Variants in MTHFD1 observed in about 807,000 individuals in gnomAD.
MTHFD1 encodes C-1-tetrahydrofolate synthase, cytoplasmic.
Under a neutral mutation model 110.3 loss-of-function variants are expected in MTHFD1, and 44 were observed. The observed-to-expected ratio is 0.40, with a 90% CI of 0.31 to 0.51. The LOEUF (loss-of-function observed/expected upper bound fraction) is 0.51. MTHFD1 is among the 20% of genes least tolerant of loss of function. The pLI is 0.60. For missense variants in MTHFD1, 909 were observed against 1,173.1 expected, an observed-to-expected ratio of 0.77 and a Z score of 3.29; for synonymous variants, 402 against 428.8, an observed-to-expected ratio of 0.94 and a Z score of 0.77.
intron 24 of MTHFD1, among the ~76,000 whole-genome samples, chr14:64,449,940 C>T (rs1455869396): frequency 2.0e-5 from 3 of 152,220 alleles, no homozygotes; most frequent in African/African-American, 7.2e-5. Flanking sequence ...AGGCGTCTGC[C>T]ACCGTGCCCA....
At chr14:64,393,684 C>T (rs1433540090) in intron 1 of MTHFD1, among the ~76,000 whole-genome samples, 1 of 152,160 alleles carries the variant, frequency 6.6e-6, no homozygotes, top group South Asian at 2.1e-4. Flanking sequence ...CTGTCCTTGT[C>T]CATCAGGGGA....
chr14:64,389,986 T>G (rs1271895471), intron 1 of MTHFD1, among the ~76,000 whole-genome samples: 2 of 152,226 alleles, frequency 1.3e-5, no homozygotes, highest in Admixed American at 1.3e-4. Context: ...TATACTTTCG[T>G]TAATTGGAGA....
intron 11 of MTHFD1, 30 bp from the exon 12 acceptor site, chr14:64,427,307 A>T (rs750971056): frequency 1.2e-6 from 2 of 1,613,198 alleles, no homozygotes; most frequent in Non-Finnish European, 1.7e-6. Context: ...AATTCTTTAA[A>T]CCTTTTTCTC....
At position 64,440,515 on chromosome 14, in the gene MTHFD1, G is replaced by A. The variant is rs185418532; in HGVS notation, c.1815+249G>A. ...ATGATTTGAGTAACATCTTCATCCTGTGGGCATCTCTAAAAGTGGGTGTAT... is the reference window on the plus strand; with the variant it reads ...ATGATTTGAGTAACATCTTCATCCTATGGGCATCTCTAAAAGTGGGTGTAT... On this transcript the variant is annotated intron_variant, in intron 18 of 27. Transcript: ENST00000652337. 39 of 530,202 alleles carry A rather than the reference G, an allele frequency of 7.4e-5. No homozygotes were observed. In the East Asian group the frequency reaches 1.3e-3, roughly 18 times the overall value. The allele number at this position is 530,202 out of a possible 1,614,324, so 32.8% of individuals were successfully genotyped here.
In MTHFD1 at chr14:64,418,149, A is replaced by G; in HGVS notation, c.615+125A>G. ...CATCTCATTTTTACAAGATGAAAAA[A>G]CAAATTCAAATTAAAGGCTGAGTGG... On this transcript the variant is annotated intron_variant, in intron 7 of 27. Transcript: ENST00000652337. The G allele has an allele frequency of 2.3e-6, 3 of 1,282,672 alleles. No homozygotes were observed. The South Asian group carries it at 3.8e-5, about 16-fold the overall frequency. 79.5% of individuals were successfully genotyped at this position (1,282,672 alleles called of 1,614,324 possible). A position where few individuals can be genotyped will look rare whatever the true frequency, so the allele number is the denominator to read the frequency against.
At chr14:64,393,350 T>C (rs2077821566) in intron 1 of MTHFD1, among the ~76,000 whole-genome samples, 1 of 151,414 alleles carries the variant, frequency 6.6e-6, no homozygotes, top group Non-Finnish European at 1.5e-5. Context: ...AGTGAGCCAG[T>C]GAGCCAAGAT....
Position 64,415,613 on chromosome 14 carries a change from C to T in MTHFD1, c.378-26C>T, listed in dbSNP as rs750173821. ...AAAGACATCTAATTGCCTTTATTTC[C>T]TTCTTATTTCCATCACTTTTTTAAG... On this transcript the variant is annotated intron_variant, in intron 5 of 27. Transcript: ENST00000652337. 11 of 1,612,532 alleles carry T rather than the reference C, an allele frequency of 6.8e-6. No homozygotes were observed. In the African/African-American group the frequency reaches 1.5e-4, roughly 22 times the overall value.
At chr14:64,437,966 C>T (rs1034917060) in intron 16 of MTHFD1, among the ~76,000 whole-genome samples, 2 of 152,060 alleles carry the variant, frequency 1.3e-5, no homozygotes, top group African/African-American at 2.4e-5. Flanking sequence ...CTCTGCTTCC[C>T]GGGTTCAAGC....
At chr14:64,397,290 ATTTG>A (rs562677901) in intron 1 of MTHFD1, among the ~76,000 whole-genome samples, 42 of 116,734 alleles carry the variant, frequency 3.6e-4, no homozygotes, top group African/African-American at 1.1e-3. Context: ...TGTTGTTGTT[ATTTG>A]TTTGTTTGTT....
At chr14:64,433,692 T>A (rs1193519795) in intron 15 of MTHFD1, among the ~76,000 whole-genome samples, 3 of 151,118 alleles carry the variant, frequency 2.0e-5, no homozygotes, top group Non-Finnish European at 4.4e-5. Flanking sequence ...TGGGATTACT[T>A]GCATGAACCA....
intron 24 of MTHFD1, among the ~76,000 whole-genome samples, chr14:64,452,578 C>G (rs1448420148): frequency 6.6e-6 from 1 of 152,238 alleles, no homozygotes. Context: ...TGGTCTCTGT[C>G]CACTGCACTG....
In MTHFD1 at chr14:64,388,397, G is replaced by C; in HGVS notation, c.-31G>C. On this transcript the variant is annotated 5_prime_UTR_variant, in exon 1 of 28. Coordinates refer to ENST00000652337, the MANE Select transcript of MTHFD1 (RefSeq NM_005956.4). ...GGAGTGGAACCTCGATATTGGTGGTGTCCATCGTGGGCAGCGGACTAATAA... is the reference window on the plus strand; with the variant it reads ...GGAGTGGAACCTCGATATTGGTGGTCTCCATCGTGGGCAGCGGACTAATAA... 1 of 1,614,182 alleles carries C rather than the reference G, an allele frequency of 6.2e-7. No homozygotes were observed. Among genetic ancestry groups the C allele is most frequent in the South Asian group, 1.1e-5 (1 of 91,090 alleles).
At chr14:64,457,714 C>G (rs2078498245) in intron 26 of MTHFD1, among the ~76,000 whole-genome samples, 1 of 152,080 alleles carries the variant, frequency 6.6e-6, no homozygotes, top group Admixed American at 6.6e-5. Flanking sequence ...CCTTGGCCTC[C>G]CAGAGTGCTA....
intron 1 of MTHFD1, among the ~76,000 whole-genome samples, chr14:64,394,066 C>A (rs1220361104): frequency 6.6e-6 from 1 of 152,066 alleles, no homozygotes; most frequent in East Asian, 1.9e-4. Context: ...CCCCATTACC[C>A]CTGCACTGTG....
chr14:64,440,492 G>A lies in MTHFD1; in HGVS notation c.1815+226G>A, dbSNP rs1369992209. ...TAGTAATAGATCACAAGTTCCAGAT[G>A]ATTTGAGTAACATCTTCATCCTGTG... On this transcript the variant is annotated intron_variant, in intron 18 of 27. Coordinates refer to ENST00000652337, the MANE Select transcript of MTHFD1 (RefSeq NM_005956.4). The A allele has an allele frequency of 1.7e-5, 10 of 591,834 alleles. No individual in the cohort carries two copies. The East Asian group carries it at 1.7e-4, about 10-fold the overall frequency. 36.7% of individuals were successfully genotyped at this position (591,834 alleles called of 1,614,324 possible). A position where few individuals can be genotyped will look rare whatever the true frequency, so the allele number is the denominator to read the frequency against.
chr14:64,393,878 A>T (rs986253514), intron 1 of MTHFD1, among the ~76,000 whole-genome samples: 1 of 152,170 alleles, frequency 6.6e-6, no homozygotes, highest in Non-Finnish European at 1.5e-5. Flanking sequence ...AGAGGTTGGT[A>T]GAATAGAGGT....
intron 4 of MTHFD1, among the ~76,000 whole-genome samples, chr14:64,414,077 C>T (rs2078006239): frequency 6.6e-6 from 1 of 152,194 alleles, no homozygotes; most frequent in South Asian, 2.1e-4. Flanking sequence ...TCACTGCAAC[C>T]TCCACCTCCC....
chr14:64,440,744 A>ATG, intron 18 of MTHFD1: 3 of 252,610 alleles, frequency 1.2e-5, no homozygotes, highest in South Asian at 4.8e-5. Flanking sequence ...CAGAGTTACA[A>ATG]ATAACTGAGT....
chr14:64,423,371 G>T (rs1477354266), intron 8 of MTHFD1, among the ~76,000 whole-genome samples: 2 of 152,016 alleles, frequency 1.3e-5, no homozygotes, highest in East Asian at 3.9e-4. Context: ...TTGCATTTTG[G>T]ACTTCAGATT....
Sources: allele counts gnomAD v4.1 joint callset (sites outside exome capture counted in the v4.1 genomes callset), GRCh38; gene constraint gnomAD v4.1.1; transcripts MANE v1.5; gene names NCBI Gene and HGNC (gene_info 2026-07-23, HGNC 2026-07-21).